PIP4K2A: variants seen among roughly 807,000 people sequenced by gnomAD.
PIP4K2A encodes phosphatidylinositol-5-phosphate 4-kinase type 2 alpha.
A neutral mutation model predicts 42.9 loss-of-function variants in PIP4K2A; 14 were observed. The ratio of observed to expected loss-of-function variants is 0.33; its 90% CI spans 0.22 to 0.51. PIP4K2A has a LOEUF of 0.51. Among genes scored for constraint, PIP4K2A ranks in the 20% least tolerant of loss-of-function variants. PIP4K2A has a pLI of 0.97. For synonymous variants in PIP4K2A, 192 were observed against 192.2 expected (o/e 1.00, Z 0.01); for missense variants, 434 against 519.8 (o/e 0.83, Z 1.61).
intron 1 of PIP4K2A, among the ~76,000 whole-genome samples, chr10:22,611,057 A>G (rs1838024108): frequency 6.6e-6 from 1 of 152,252 alleles, no homozygotes; most frequent in Admixed American, 6.5e-5. Flanking sequence ...TTGAAAAAAT[A>G]ATGATTCAGA....
intron 5 of PIP4K2A, 87 bp from the exon 6 acceptor site, chr10:22,567,976 CAG>C: frequency 8.3e-7 from 1 of 1,200,848 alleles, no homozygotes; most frequent in Admixed American, 1.7e-5. Flanking sequence ...CCAGGCGGAG[CAG>C]AGAGCCAGCT....
intron 1 of PIP4K2A, among the ~76,000 whole-genome samples, chr10:22,664,791 T>C (rs1383096340): frequency 2.0e-5 from 3 of 152,126 alleles, no homozygotes; most frequent in African/African-American, 4.8e-5. Flanking sequence ...TAAAATATAT[T>C]ACATTTGAAA....
intron 1 of PIP4K2A, among the ~76,000 whole-genome samples, chr10:22,635,700 C>T (rs1289980390): frequency 6.6e-6 from 1 of 152,050 alleles, no homozygotes; most frequent in Non-Finnish European, 1.5e-5. Flanking sequence ...AGTTATGAGC[C>T]GGGGGGTTCT....
chr10:22,577,698 C>T (rs1837156777), intron 4 of PIP4K2A, among the ~76,000 whole-genome samples: 1 of 152,186 alleles, frequency 6.6e-6, no homozygotes, highest in African/African-American at 2.4e-5. Flanking sequence ...GTGGTCTCTC[C>T]AGTCACACTG....
chr10:22,549,593 G>C (rs1239046652), intron 7 of PIP4K2A, among the ~76,000 whole-genome samples: 2 of 151,836 alleles, frequency 1.3e-5, no homozygotes, highest in Non-Finnish European at 2.9e-5. Flanking sequence ...TGTAATCCCA[G>C]CACTTTGGGA....
Position 22,616,203 on chromosome 10 carries a change from G to A in PIP4K2A, c.145-6486C>T, listed in dbSNP as rs555635342. ...AGTGGGGGCAGGGGAGAGAGCAGAG[G>A]GGGAGCTGACATGTGGCAGGGAGAG... On this transcript the variant is annotated intron_variant, in intron 1 of 9. Transcript: ENST00000376573. Among the ~76,000 whole-genome samples, 20 of 152,278 alleles carry A rather than the reference G, an allele frequency of 1.3e-4. No homozygotes were observed. In the East Asian group the frequency reaches 3.9e-3, roughly 29 times the overall value.
intron 3 of PIP4K2A, among the ~76,000 whole-genome samples, chr10:22,598,457 A>G (rs1588653499): frequency 6.6e-6 from 1 of 152,228 alleles, no homozygotes; most frequent in East Asian, 1.9e-4. Context: ...CTTACATGTT[A>G]AAAGGAGAAT....
At chr10:22,641,856 G>A (rs916437041) in intron 1 of PIP4K2A, among the ~76,000 whole-genome samples, 11 of 152,078 alleles carry the variant, frequency 7.2e-5, no homozygotes, top group African/African-American at 2.7e-4. Context: ...GATTCTATAT[G>A]TCTGTGACCC....
At chr10:22,685,632 G>A (rs143194583) in intron 1 of PIP4K2A, among the ~76,000 whole-genome samples, 220 of 152,228 alleles carry the variant, frequency 1.4e-3, no homozygotes, top group African/African-American at 5.1e-3. Context: ...GATGCAGGAG[G>A]ATCCCTTGAG....
At chr10:22,595,651 G>C (rs1837617797) in intron 3 of PIP4K2A, among the ~76,000 whole-genome samples, 1 of 152,014 alleles carries the variant, frequency 6.6e-6, no homozygotes, top group Non-Finnish European at 1.5e-5. Context: ...CAGCTACTTG[G>C]GAGGCTGAGG....
rs1564459999 is a variant in PIP4K2A, at chr10:22,664,118, TATATATATATAC to T, written c.144+50053_144+50064del. ...ATATATATATACATATATATATACA[TATATATATATAC>T]ATATATATATACATATATATACACA... On this transcript the variant is annotated intron_variant, in intron 1 of 9. Coordinates refer to ENST00000376573, the MANE Select transcript of PIP4K2A (RefSeq NM_005028.5). 1.4e-4 allele frequency among the ~76,000 whole-genome samples: 8 copies of T among 58,540 alleles called. No individual in the cohort carries two copies. In the East Asian group the frequency reaches 1.4e-3, roughly 11 times the overall value. 38.4% of individuals were successfully genotyped at this position (58,540 alleles called of 152,430 possible).
At chr10:22,601,118 G>A (rs1837755566) in intron 3 of PIP4K2A, among the ~76,000 whole-genome samples, 3 of 98,910 alleles carry the variant, frequency 3.0e-5, no homozygotes, top group East Asian at 3.2e-4. Context: ...GGGCAACAGA[G>A]CGAGACTGTC....
intron 1 of PIP4K2A, among the ~76,000 whole-genome samples, chr10:22,673,364 T>G (rs755910744): frequency 1.3e-5 from 2 of 152,132 alleles, no homozygotes; most frequent in Non-Finnish European, 2.9e-5. Flanking sequence ...TGCAGGAAAA[T>G]GCAATAAATA....
intron 1 of PIP4K2A, among the ~76,000 whole-genome samples, chr10:22,664,267 A>T (rs901954790): frequency 6.3e-5 from 9 of 142,138 alleles, no homozygotes; most frequent in Non-Finnish European, 1.2e-4. Flanking sequence ...ATATACACAC[A>T]CATACACACA....
chr10:22,693,074 G>A (rs542521378), intron 1 of PIP4K2A, among the ~76,000 whole-genome samples: 5 of 152,100 alleles, frequency 3.3e-5, no homozygotes, highest in African/African-American at 4.8e-5. Flanking sequence ...TGTTTTAATC[G>A]ATTGGGGTCA....
At chr10:22,664,130 CATAT>C (rs1386533355) in intron 1 of PIP4K2A, among the ~76,000 whole-genome samples, 5 of 40,186 alleles carry the variant, frequency 1.2e-4, no homozygotes, top group Admixed American at 3.3e-4. Flanking sequence ...TATATATATA[CATAT>C]ATATATACAT....
chr10:22,596,220 A>T (rs565230177), intron 3 of PIP4K2A, among the ~76,000 whole-genome samples: 3 of 151,254 alleles, frequency 2.0e-5, no homozygotes, highest in African/African-American at 7.3e-5. Context: ...AAAAAAAAAA[A>T]AAAAAGGATT....
intron 1 of PIP4K2A, among the ~76,000 whole-genome samples, chr10:22,635,473 A>G (rs1010828687): frequency 1.3e-5 from 2 of 152,204 alleles, no homozygotes; most frequent in African/African-American, 4.8e-5. Flanking sequence ...AGGCTGTGAT[A>G]GTATTGAGAG....
intron 4 of PIP4K2A, among the ~76,000 whole-genome samples, chr10:22,587,586 G>A (rs989500024): frequency 2.0e-5 from 3 of 152,106 alleles, no homozygotes; most frequent in Non-Finnish European, 4.4e-5. Context: ...GAAACACAAA[G>A]CTTGACAGGC....
Sources: allele counts gnomAD v4.1 joint callset (sites outside exome capture counted in the v4.1 genomes callset), GRCh38; gene constraint gnomAD v4.1.1; transcripts MANE v1.5; gene names NCBI Gene and HGNC (gene_info 2026-07-23, HGNC 2026-07-21).